The following PREP variants were observed in gnomAD, a reference collection of about 807,000 sequenced individuals.
The protein encoded by PREP is dJ355L5.1 (prolyl endopeptidase).
PREP carries 29 observed loss-of-function variants against 87.6 expected under a neutral mutation model. The ratio of observed to expected loss-of-function variants is 0.33; its 90% CI spans 0.25 to 0.45. The LOEUF is 0.45. PREP is among the 20% of genes least tolerant of loss of function. The pLI is 1.00. For missense variants in PREP, 695 were observed against 886.5 expected (o/e 0.78, Z 2.74); for synonymous variants, 337 against 328.6 (o/e 1.03, Z -0.28).
intron 3 of PREP, among the ~76,000 whole-genome samples, chr6:105,376,486 C>T (rs1167343165): frequency 6.6e-6 from 1 of 152,178 alleles, no homozygotes; most frequent in Non-Finnish European, 1.5e-5. Context: ...TAATCCTGCA[C>T]ATTAGCCGAG....
intron 11 of PREP, among the ~76,000 whole-genome samples, chr6:105,286,965 T>C (rs190434156): frequency 1.0e-4 from 3 of 28,572 alleles, no homozygotes; most frequent in South Asian, 1.0e-3. Context: ...AGGTGACTCA[T>C]TGTCCACTGA....
At chr6:105,390,892 T>C (rs1488838615) in intron 2 of PREP, among the ~76,000 whole-genome samples, 1 of 152,080 alleles carries the variant, frequency 6.6e-6, no homozygotes, top group African/African-American at 2.4e-5. Context: ...GCTGCCTCCA[T>C]GATGAAAGCA....
chr6:105,306,237 T>A (rs1157816706), intron 10 of PREP, among the ~76,000 whole-genome samples: 1 of 152,140 alleles, frequency 6.6e-6, no homozygotes, highest in African/African-American at 2.4e-5. Context: ...GAAAAGAACA[T>A]GGTATACTTT....
chr6:105,286,862 G>C (rs998536715), intron 11 of PREP, among the ~76,000 whole-genome samples: 9 of 188 alleles, frequency 0.048, no homozygotes, highest in East Asian at 0.45. Context: ...AAATGGCCCC[G>C]GGACTCATCT....
intron 7 of PREP, among the ~76,000 whole-genome samples, chr6:105,350,251 T>G (rs1226145307): frequency 1.3e-5 from 2 of 152,196 alleles, no homozygotes; most frequent in African/African-American, 4.8e-5. Context: ...ACTCACTGCA[T>G]GCCAGAAACC....
At chr6:105,314,671 G>A (rs1328595601) in intron 10 of PREP, among the ~76,000 whole-genome samples, 1 of 152,160 alleles carries the variant, frequency 6.6e-6, no homozygotes, top group African/African-American at 2.4e-5. Flanking sequence ...CATCTGCAGT[G>A]ACTTCCCCCA....
At chr6:105,300,824 A>T (rs1008610324) in intron 10 of PREP, among the ~76,000 whole-genome samples, 3 of 152,094 alleles carry the variant, frequency 2.0e-5, no homozygotes, top group African/African-American at 7.2e-5. Flanking sequence ...TGTAAATCTG[A>T]TTTCAAAAAA....
At chr6:105,283,327 A>G (rs2114611849) in intron 12 of PREP, among the ~76,000 whole-genome samples, 1 of 152,382 alleles carries the variant, frequency 6.6e-6, no homozygotes, top group African/African-American at 2.4e-5. Context: ...AAACATTTAC[A>G]GGGCCATGAA....
In PREP at chr6:105,278,205, T is replaced by G; in HGVS notation, c.2072A>C (p.Glu691Ala). 1 of 1,614,214 alleles carries G rather than the reference T, an allele frequency of 6.2e-7. No individual in the cohort carries two copies. ...GAGKPTAKVI[E>A]EVSDMFAFIA... ...GAACGCAAACATGTCTGAGACTTCC[T>G]CTATCACTTTGGCTGTGGGCTTCCC... The change falls in exon 15 of 15, where the codon GAG (glutamate) becomes GCG (alanine). Residue 691 changes from glutamate to alanine, a missense_variant. Coordinates refer to ENST00000652536, the MANE Select transcript of PREP (RefSeq NM_002726.5). The surrounding 1 kb of genome is among the most constrained non-coding windows in gnomAD (Gnocchi z 4.2).
chr6:105,350,306 C>A (rs989712200), intron 7 of PREP, among the ~76,000 whole-genome samples: 1 of 152,014 alleles, frequency 6.6e-6, no homozygotes, highest in Non-Finnish European at 1.5e-5. Context: ...CTCACAATTC[C>A]CTATGAAGTA....
chr6:105,347,384 TAACTA>T (rs1372621697), intron 7 of PREP, among the ~76,000 whole-genome samples: 5 of 152,198 alleles, frequency 3.3e-5, no homozygotes, highest in African/African-American at 1.2e-4. Flanking sequence ...GTCTAATTCA[TAACTA>T]AATATATGAT....
At chr6:105,322,930 CACAA>C (rs1583054883) in intron 10 of PREP, 2 of 1,222,870 alleles carry the variant, frequency 1.6e-6, no homozygotes, top group Non-Finnish European at 1.1e-6. Flanking sequence ...CATCTTCCTT[CACAA>C]ACAATGTTCT....
intron 6 of PREP, among the ~76,000 whole-genome samples, chr6:105,367,535 A>G (rs997449206): frequency 6.6e-6 from 1 of 151,568 alleles, no homozygotes; most frequent in African/African-American, 2.4e-5. Context: ...TGCCGGGCGT[A>G]GTGGCGGGCG....
At chr6:105,401,013 C>T (rs970592484) in intron 1 of PREP, among the ~76,000 whole-genome samples, 1 of 152,152 alleles carries the variant, frequency 6.6e-6, no homozygotes, top group African/African-American at 2.4e-5. Flanking sequence ...AGCCACACAA[C>T]AAGATCCAGA....
chr6:105,328,944 C>T lies in PREP; in HGVS notation c.1098G>A (p.Leu366=). ...DVKNILQLHD[L]TTGALLKTFP... ...AGGTCTTAAGGAGAGCACCAGTAGT[C>T]AGGTCATGGAGCTGCAGAATGTTCT... Residue 366 remains leucine, a synonymous_variant, in exon 9 of 15, where the codon CTG becomes CTA. Transcript: ENST00000652536. The T allele has an allele frequency of 6.2e-7, 1 of 1,614,134 alleles. No individual in the cohort carries two copies. The highest frequency in any genetic ancestry group is 1.1e-5 in the South Asian group (1 of 91,072).
intron 11 of PREP, among the ~76,000 whole-genome samples, chr6:105,288,365 T>C (rs1260531594): frequency 6.6e-6 from 1 of 152,180 alleles, no homozygotes; most frequent in Non-Finnish European, 1.5e-5. Context: ...AGAACTGTAA[T>C]TTGAGATGGA....
chr6:105,353,989 A>T (rs1179393872), intron 6 of PREP, among the ~76,000 whole-genome samples: 5 of 152,152 alleles, frequency 3.3e-5, no homozygotes, highest in African/African-American at 1.2e-4. Context: ...GAATCCTAAT[A>T]AAAAAATCTA....
At chr6:105,345,999 C>T (rs925538989) in intron 7 of PREP, among the ~76,000 whole-genome samples, 2 of 152,194 alleles carry the variant, frequency 1.3e-5, no homozygotes, top group South Asian at 4.1e-4. Context: ...CATTTTATCA[C>T]TAGTATTTTG....
At chr6:105,352,257 A>C (rs966924432) in intron 7 of PREP, among the ~76,000 whole-genome samples, 4 of 152,204 alleles carry the variant, frequency 2.6e-5, no homozygotes, top group African/African-American at 7.2e-5. Context: ...TCAGCATAGT[A>C]AATTGTGCAG....
Sources: gnomAD v4.1 joint callset for allele counts (sites outside exome capture counted in the v4.1 genomes callset) on GRCh38, gnomAD v4.1.1 for gene constraint, Gnocchi (gnomAD v3.1) non-coding constraint, MANE v1.5 for transcripts, NCBI Gene and HGNC (gene_info 2026-07-23, HGNC 2026-07-21) for gene names.